SLCO6A1: variants seen among roughly 807,000 people sequenced by gnomAD.
SLCO6A1 encodes solute carrier organic anion transporter family member 6A1.
A neutral mutation model predicts 72.7 loss-of-function variants in SLCO6A1; 65 were observed. That is an observed-to-expected ratio of 0.89 (90% CI 0.73 to 1.10). SLCO6A1 has a LOEUF of 1.10. Ranked by LOEUF, SLCO6A1 falls within the 50% of genes least tolerant of loss-of-function variation. SLCO6A1 has a pLI of 0.00. For missense variants in SLCO6A1, 874 were observed against 872.6 expected, an observed-to-expected ratio of 1.00 and a Z score of -0.02; for synonymous variants, 314 against 298.2, an observed-to-expected ratio of 1.05 and a Z score of -0.55.
chr5:102,388,239 A>G (rs1397357638), intron 12 of SLCO6A1, among the ~76,000 whole-genome samples: 1 of 152,198 alleles, frequency 6.6e-6, no homozygotes, highest in Non-Finnish European at 1.5e-5. Flanking sequence ...TTTATTTGGG[A>G]ACTATTACAT....
intron 7 of SLCO6A1, among the ~76,000 whole-genome samples, chr5:102,431,483 T>C (rs1749215201): frequency 1.3e-5 from 2 of 152,196 alleles, no homozygotes; most frequent in African/African-American, 4.8e-5. Flanking sequence ...CTTAATTTCA[T>C]TACTTACCCA....
rs536309270 is a variant in SLCO6A1 at position 102,389,669 on chromosome 5, C to T, written c.1880-844G>A. On this transcript the variant is annotated intron_variant, in intron 11 of 13. Transcript: ENST00000506729. ...GTTTAAAAAACAATTGACTACTATT[C>T]ATTTTTTCCATTTTTTACCATCTTT... Among the ~76,000 whole-genome samples, 31 of 151,948 alleles carry T rather than the reference C, an allele frequency of 2.0e-4. No individual in the cohort carries two copies. The East Asian group carries it at 5.8e-3, about 28-fold the overall frequency.
chr5:102,438,756 C>G lies in SLCO6A1; in HGVS notation c.1137G>C (p.Leu379=). 2 of 1,529,906 alleles carry G rather than the reference C, an allele frequency of 1.3e-6. No homozygotes were observed. The highest frequency in any genetic ancestry group is 4.7e-5 in the Admixed American group (2 of 42,582). 94.8% of individuals were successfully genotyped at this position (1,529,906 alleles called of 1,614,324 possible). A position where few individuals can be genotyped will look rare whatever the true frequency, so the allele number is the denominator to read the frequency against. ...GGCATATGAGCACTGGATTCTTCATCAGAATCTGAAATAAAAATAAGTTAT... is the reference window on the plus strand; with the variant it reads ...GGCATATGAGCACTGGATTCTTCATGAGAATCTGAAATAAAAATAAGTTAT... ...IKDLCAALWI[L]MKNPVLICLA... The change falls in exon 7 of 14, where the codon CTG becomes CTC. Residue 379 remains leucine (L), a synonymous_variant. Coordinates refer to ENST00000506729, the MANE Select transcript of SLCO6A1 (RefSeq NM_173488.5).
chr5:102,448,594 T>C (rs939172037), intron 6 of SLCO6A1, among the ~76,000 whole-genome samples: 6 of 152,204 alleles, frequency 3.9e-5, no homozygotes, highest in African/African-American at 1.4e-4. Flanking sequence ...TAGCTCTGCT[T>C]GTTGAGTTGA....
intron 4 of SLCO6A1, among the ~76,000 whole-genome samples, chr5:102,468,543 G>A (rs1433515465): frequency 1.3e-5 from 2 of 151,934 alleles, no homozygotes; most frequent in Non-Finnish European, 2.9e-5. Context: ...TTAGGATTGT[G>A]ACATTTTCCT....
chr5:102,428,912 C>T (rs1002697479), intron 7 of SLCO6A1, among the ~76,000 whole-genome samples: 1 of 152,298 alleles, frequency 6.6e-6, no homozygotes, highest in Admixed American at 6.5e-5. Context: ...TACACTCCCA[C>T]CAGCAGTGTA....
intron 12 of SLCO6A1, among the ~76,000 whole-genome samples, chr5:102,385,733 T>C (rs4703014): frequency 0.63 from 95,426 of 151,714 alleles, 30,278 homozygotes; most frequent in Non-Finnish European, 0.65. Context: ...TGTTTAGCTG[T>C]CTGTGTACTC....
At chr5:102,376,755 G>A (rs1393187036) in intron 12 of SLCO6A1, among the ~76,000 whole-genome samples, 5 of 152,150 alleles carry the variant, frequency 3.3e-5, no homozygotes, top group African/African-American at 1.2e-4. Flanking sequence ...TCATGAGATA[G>A]AGCATCTGAT....
chr5:102,453,301 G>C (rs983603311), intron 6 of SLCO6A1, among the ~76,000 whole-genome samples: 4 of 150,676 alleles, frequency 2.7e-5, no homozygotes, highest in African/African-American at 9.8e-5. Flanking sequence ...TCATGCTGCT[G>C]TGTTTCAGCC....
At chr5:102,389,862 T>C (rs1163066420) in intron 11 of SLCO6A1, among the ~76,000 whole-genome samples, 2 of 152,102 alleles carry the variant, frequency 1.3e-5, no homozygotes, top group Admixed American at 1.3e-4. Context: ...GTATTTTTTC[T>C]TCTATCAGCA....
In SLCO6A1 at chr5:102,411,214, A is replaced by AAT. The variant is rs201868999; in HGVS notation, c.1626+1774_1626+1775dup. 6.3e-3 allele frequency among the ~76,000 whole-genome samples: 955 copies of AAT among 151,702 alleles called. 6 individuals carry two copies. The highest frequency in any genetic ancestry group is 0.015 in the Admixed American group (225 of 15,212). On this transcript the variant is annotated intron_variant, in intron 9 of 13. Coordinates refer to ENST00000506729, the MANE Select transcript of SLCO6A1 (RefSeq NM_173488.5). The stretch of plus-strand genomic sequence containing the variant: ...TAAAACAATAAAGTTGGGATGATGT[A>AAT]ATATATATATATGTGTGTGTGTGTT...
intron 8 of SLCO6A1, among the ~76,000 whole-genome samples, chr5:102,419,202 C>T (rs1748453614): frequency 6.6e-6 from 1 of 152,146 alleles, no homozygotes; most frequent in Admixed American, 6.6e-5. Context: ...ATTCCTTTAA[C>T]CAAATCTTTT....
At chr5:102,464,030 G>C (rs1257481198) in intron 4 of SLCO6A1, among the ~76,000 whole-genome samples, 1 of 152,100 alleles carries the variant, frequency 6.6e-6, no homozygotes, top group Non-Finnish European at 1.5e-5. Context: ...TGGACTTTGG[G>C]GACTTGCAGG....
chr5:102,373,518 C>G (rs1442000675), intron 12 of SLCO6A1, 24 bp from the exon 13 acceptor site: 2 of 1,414,516 alleles, frequency 1.4e-6, no homozygotes, highest in Non-Finnish European at 1.9e-6. Flanking sequence ...ATGCAATGAT[C>G]AGATATGTCC....
chr5:102,435,883 A>T (rs979795936), intron 7 of SLCO6A1, among the ~76,000 whole-genome samples: 33 of 152,074 alleles, frequency 2.2e-4, no homozygotes, highest in Non-Finnish European at 4.3e-4. Context: ...CTCAAAAAAA[A>T]AAAAAAAAGT....
At chr5:102,443,946 C>T (rs559427539) in intron 6 of SLCO6A1, among the ~76,000 whole-genome samples, 2 of 152,092 alleles carry the variant, frequency 1.3e-5, no homozygotes, top group South Asian at 2.1e-4. Flanking sequence ...ATCCCTATCT[C>T]GCAGTACTGT....
chr5:102,447,843 T>G (rs2112713253), intron 6 of SLCO6A1, among the ~76,000 whole-genome samples: 1 of 152,316 alleles, frequency 6.6e-6, no homozygotes, highest in East Asian at 1.9e-4. Context: ...TTCATTGATC[T>G]TTTTATGGTT....
chr5:102,486,823 A>T (rs1752463777), intron 1 of SLCO6A1, among the ~76,000 whole-genome samples: 2 of 152,178 alleles, frequency 1.3e-5, no homozygotes, highest in African/African-American at 4.8e-5. Flanking sequence ...GAAATAAATA[A>T]TTGTATCTTC....
At chr5:102,395,273 G>A (rs984163557) in intron 10 of SLCO6A1, among the ~76,000 whole-genome samples, 1 of 151,164 alleles carries the variant, frequency 6.6e-6, no homozygotes, top group Non-Finnish European at 1.5e-5. Flanking sequence ...TCCCACCTAT[G>A]AGTGAGAACA....
Sources: allele counts gnomAD v4.1 joint callset (sites outside exome capture counted in the v4.1 genomes callset), GRCh38; gene constraint gnomAD v4.1.1; transcripts MANE v1.5; gene names NCBI Gene and HGNC (gene_info 2026-07-23, HGNC 2026-07-21).